Variants in SP100 observed in about 807,000 individuals in gnomAD.
SP100 encodes nuclear autoantigen Sp-100.
In SP100, 84 loss-of-function variants were observed where a neutral mutation model predicts 130.0. The ratio of observed to expected loss-of-function variants is 0.65; its 90% confidence interval spans 0.54 to 0.77. The LOEUF (loss-of-function observed/expected upper bound fraction) is 0.77, where lower values mean the gene tolerates loss of function less well. Among genes scored for constraint, SP100 ranks in the 30% least tolerant of loss-of-function variants. The pLI is 0.00. For missense variants in SP100, 978 were observed against 1,052.2 expected (o/e 0.93, Z 0.97); for synonymous variants, 331 against 351.7 (o/e 0.94, Z 0.66).
intron 11 of SP100, among the ~76,000 whole-genome samples, chr2:230,464,618 A>C (rs1230947955): frequency 4.6e-5 from 7 of 152,242 alleles, no homozygotes; most frequent in Admixed American, 4.6e-4. Flanking sequence ...TGGCAAAAAA[A>C]AAGTGACTTC....
intron 22 of SP100, 159 bp downstream of exon 22, chr2:230,506,604 C>T (rs1238062752): frequency 1.2e-5 from 8 of 650,042 alleles, no homozygotes; most frequent in Non-Finnish European, 2.1e-5. Flanking sequence ...CTGAACATTA[C>T]GTTGGCTGGC....
intron 2 of SP100, among the ~76,000 whole-genome samples, chr2:230,434,845 G>C (rs1378534391): frequency 6.6e-6 from 1 of 152,180 alleles, no homozygotes; most frequent in African/African-American, 2.4e-5. Context: ...AGAAACAGCA[G>C]AGGCGAGTGT....
At chr2:230,535,259 GA>G (rs1474153366) in intron 24 of SP100, among the ~76,000 whole-genome samples, 1 of 152,064 alleles carries the variant, frequency 6.6e-6, no homozygotes, top group Non-Finnish European at 1.5e-5. Context: ...GGGAGTTCAT[GA>G]AAAGGACTTT....
intron 8 of SP100, among the ~76,000 whole-genome samples, chr2:230,452,155 T>A (rs1294610352): frequency 6.6e-6 from 1 of 152,208 alleles, no homozygotes; most frequent in Non-Finnish European, 1.5e-5. Flanking sequence ...AAATTGTTTT[T>A]CTATTTCTCA....
At chr2:230,514,611 T>C (rs1424188020) in intron 24 of SP100, among the ~76,000 whole-genome samples, 2 of 152,210 alleles carry the variant, frequency 1.3e-5, no homozygotes, top group Non-Finnish European at 2.9e-5. Flanking sequence ...CAATTTTATT[T>C]GCAATATAAG....
chr2:230,469,943 CT>C, intron 14 of SP100, 71 bp from the exon 15 acceptor site: 1 of 1,538,192 alleles, frequency 6.5e-7, no homozygotes, highest in African/African-American at 1.4e-5. Context: ...TTCAGTTTTG[CT>C]TTTAAAGAAT....
intron 2 of SP100, among the ~76,000 whole-genome samples, chr2:230,423,547 T>C (rs1292222639): frequency 6.6e-6 from 1 of 152,212 alleles, no homozygotes; most frequent in Non-Finnish European, 1.5e-5. Flanking sequence ...TCTTTACTTC[T>C]CCTTTGTTGA....
chr2:230,472,466 T>A, intron 15 of SP100, among the ~76,000 whole-genome samples: 2 of 140,598 alleles, frequency 1.4e-5, no homozygotes, highest in African/African-American at 5.3e-5. Context: ...AAGACAAGAT[T>A]CAGAGAAACA....
At chr2:230,473,281 G>A (rs2065365536) in intron 15 of SP100, 43 bp from the exon 16 acceptor site, 1 of 1,363,140 alleles carries the variant, frequency 7.3e-7, no homozygotes, top group Admixed American at 1.7e-5. Flanking sequence ...AATCTTTGAA[G>A]GGGAGTGGGC....
At chr2:230,454,629 C>A (rs1204711259) in intron 8 of SP100, among the ~76,000 whole-genome samples, 1 of 152,098 alleles carries the variant, frequency 6.6e-6, no homozygotes, top group African/African-American at 2.4e-5. Context: ...AATTTCATAT[C>A]ATTGTGGTCA....
intron 8 of SP100, among the ~76,000 whole-genome samples, chr2:230,454,805 C>T (rs2064186043): frequency 6.6e-6 from 1 of 152,094 alleles, no homozygotes; most frequent in Non-Finnish European, 1.5e-5. Flanking sequence ...TCCTCTTGGT[C>T]TAAAGTATAG....
intron 10 of SP100, 43 bp from the exon 11 acceptor site, chr2:230,464,024 G>T: frequency 7.6e-7 from 1 of 1,324,282 alleles, no homozygotes; most frequent in Non-Finnish European, 1.1e-6. Flanking sequence ...TGATTCCTTG[G>T]TCACACACTG....
intron 24 of SP100, among the ~76,000 whole-genome samples, chr2:230,530,399 A>T (rs1319420532): frequency 6.6e-6 from 1 of 152,098 alleles, no homozygotes; most frequent in African/African-American, 2.4e-5. Flanking sequence ...GAAACTGGAC[A>T]CCTTCCTTAC....
intron 18 of SP100, among the ~76,000 whole-genome samples, chr2:230,496,110 T>A (rs1472344151): frequency 6.6e-6 from 1 of 152,190 alleles, no homozygotes; most frequent in Non-Finnish European, 1.5e-5. Context: ...CTAAGATGTT[T>A]TTTCCGTCAT....
intron 3 of SP100, 85 bp downstream of exon 3, chr2:230,443,184 T>C: frequency 2.2e-6 from 3 of 1,339,252 alleles, no homozygotes; most frequent in South Asian, 1.3e-5. Flanking sequence ...AACTTCAGGG[T>C]ACAATTTGCT....
rs1157107650 is a variant in SP100 at position 230,543,918 on chromosome 2, G to C, written c.*972G>C. The C allele has an allele frequency of 3.3e-5, 5 of 151,990 alleles. No homozygotes were observed. Among genetic ancestry groups the C allele is most frequent in the Non-Finnish European group, 7.4e-5 (5 of 68,012 alleles). 9.4% of individuals were successfully genotyped at this position (151,990 alleles called of 1,614,324 possible). ...ACCCCACTTCAAACTATATTACAGGGCTTCAGTAACCAAAACAGCATGGTA... is the reference window on the plus strand; with the variant it reads ...ACCCCACTTCAAACTATATTACAGGCCTTCAGTAACCAAAACAGCATGGTA... On this transcript the variant is annotated 3_prime_UTR_variant, in exon 29 of 29. Transcript: ENST00000340126.
At chr2:230,494,068 A>G (rs1283645523) in intron 17 of SP100, among the ~76,000 whole-genome samples, 3 of 151,914 alleles carry the variant, frequency 2.0e-5, no homozygotes, top group Non-Finnish European at 2.9e-5. Context: ...ATCACTGGTG[A>G]TTTCTTAGAC....
intron 17 of SP100, among the ~76,000 whole-genome samples, chr2:230,483,186 A>G (rs2065911503): frequency 6.6e-6 from 1 of 152,230 alleles, no homozygotes; most frequent in African/African-American, 2.4e-5. Context: ...TATTTCAGAT[A>G]GTGACAATGT....
At chr2:230,477,130 G>C (rs904965102) in intron 17 of SP100, among the ~76,000 whole-genome samples, 2 of 152,134 alleles carry the variant, frequency 1.3e-5, no homozygotes, top group Non-Finnish European at 2.9e-5. Flanking sequence ...CTCCCAAAGT[G>C]CTGGGATTAC....
Sources: gnomAD v4.1 joint callset for allele counts (sites outside exome capture counted in the v4.1 genomes callset) on GRCh38, gnomAD v4.1.1 for gene constraint, MANE v1.5 for transcripts, NCBI Gene and HGNC (gene_info 2026-07-23, HGNC 2026-07-21) for gene names.